The following UNC13C variants were observed in gnomAD, a reference collection of about 807,000 sequenced individuals.
UNC13C encodes the protein unc-13 homolog C.
Under a neutral mutation model 245.4 loss-of-function variants are expected in UNC13C, and 174 were observed. The observed-to-expected ratio is 0.71, with a 90% confidence interval of 0.63 to 0.80. UNC13C has a LOEUF of 0.80. UNC13C is among the 30% of genes least tolerant of loss of function. The pLI is 0.00. For missense variants in UNC13C, 2,829 were observed against 2,602.9 expected, an observed-to-expected ratio of 1.09 and a Z score of -1.89; for synonymous variants, 992 against 895.1, an observed-to-expected ratio of 1.11 and a Z score of -1.93.
chr15:54,590,060 TTA>T (rs1477005215), intron 30 of UNC13C, among the ~76,000 whole-genome samples: 4 of 152,138 alleles, frequency 2.6e-5, no homozygotes, highest in Non-Finnish European at 5.9e-5. Context: ...TTTTCCCACT[TTA>T]TGTTTTTGTT....
At chr15:54,194,357 G>A (rs905746662) in intron 4 of UNC13C, among the ~76,000 whole-genome samples, 4 of 152,066 alleles carry the variant, frequency 2.6e-5, no homozygotes, top group Non-Finnish European at 5.9e-5. Flanking sequence ...TTTCTTGTGT[G>A]TGGTAACAAT....
chr15:54,236,474 T>G, intron 6 of UNC13C, 39 bp downstream of exon 6: 1 of 1,564,214 alleles, frequency 6.4e-7, no homozygotes, highest in South Asian at 1.1e-5. Flanking sequence ...TATTTTGCAG[T>G]CTTCTCAAAC....
At position 54,626,750 on chromosome 15, in the gene UNC13C, C is replaced by T. The variant is rs1458233091; in HGVS notation, c.6360-78C>T. ...AATCAGATCCAATGTATACAGTTTT[C>T]AGCAGTATTTGAGAACCATAATGAT... is the stretch of plus-strand genomic sequence containing the variant. On this transcript the variant is annotated intron_variant, in intron 32 of 32. Transcript: ENST00000260323. The T allele has an allele frequency of 4.8e-6, 6 of 1,238,530 alleles. No homozygotes were observed. In the East Asian group the frequency reaches 1.2e-4, roughly 25 times the overall value. The allele number at this position is 1,238,530 out of a possible 1,614,324, so 76.7% of individuals were successfully genotyped here.
At chr15:53,941,696 G>A in the UNC13C span, among the ~76,000 whole-genome samples, 1 of 151,722 alleles carries the variant, frequency 6.6e-6, no homozygotes, top group African/African-American at 2.4e-5. Flanking sequence ...GGTCTACAGG[G>A]AACTTACACA....
At chr15:54,208,354 G>T in intron 4 of UNC13C, among the ~76,000 whole-genome samples, 1 of 152,040 alleles carries the variant, frequency 6.6e-6, no homozygotes, top group Non-Finnish European at 1.5e-5. Context: ...CCAAACCATA[G>T]CATGATTCAG....
At chr15:54,059,808 T>C (rs1897723021) in intron 2 of UNC13C, among the ~76,000 whole-genome samples, 1 of 152,090 alleles carries the variant, frequency 6.6e-6, no homozygotes, top group African/African-American at 2.4e-5. Context: ...TCAGAAATAA[T>C]GCCTCATATC....
chr15:54,466,195 G>T (rs987089047), intron 19 of UNC13C, among the ~76,000 whole-genome samples: 4 of 151,926 alleles, frequency 2.6e-5, no homozygotes, highest in African/African-American at 9.7e-5. Context: ...CAAAGGTGGG[G>T]AAAGAGAGGT....
rs539490793 is a variant in UNC13C at position 54,179,429 on chromosome 15, A to G, written c.3071+35745A>G. 3.9e-5 allele frequency among the ~76,000 whole-genome samples: 6 copies of G among 152,188 alleles called. No homozygotes were observed. In the South Asian group the frequency reaches 1.2e-3, roughly 32 times the overall value. On this transcript the variant is annotated intron_variant, in intron 4 of 32. Transcript: ENST00000260323. ...GTAGGAATACATGGAGAGTTTCACT[A>G]AAGAGTTGAAATACGTGAAACAGGT... is the stretch of plus-strand genomic sequence containing the variant.
chr15:54,210,623 T>C (rs2034850905), intron 4 of UNC13C, among the ~76,000 whole-genome samples: 1 of 152,146 alleles, frequency 6.6e-6, no homozygotes, highest in African/African-American at 2.4e-5. Context: ...AGAATAAACT[T>C]ATTTTATGTT....
intron 24 of UNC13C, among the ~76,000 whole-genome samples, chr15:54,514,651 G>C (rs1369002136): frequency 6.6e-6 from 1 of 152,206 alleles, no homozygotes; most frequent in Non-Finnish European, 1.5e-5. Context: ...GCGTGCTACT[G>C]CAGCTCCCTG....
the UNC13C span, among the ~76,000 whole-genome samples, chr15:53,882,540 A>G: frequency 6.6e-6 from 1 of 152,180 alleles, no homozygotes; most frequent in East Asian, 1.9e-4. Flanking sequence ...GATGACTTGT[A>G]TAGTCCTTTA....
chr15:53,846,672 A>G, the UNC13C span, among the ~76,000 whole-genome samples: 2 of 152,210 alleles, frequency 1.3e-5, no homozygotes, highest in African/African-American at 2.4e-5. Context: ...GGTAGTTTTA[A>G]TGAATGACAA....
intron 24 of UNC13C, among the ~76,000 whole-genome samples, chr15:54,512,800 T>C (rs954301801): frequency 6.6e-5 from 10 of 152,200 alleles, no homozygotes; most frequent in African/African-American, 2.4e-4. Flanking sequence ...TCTAAACTTA[T>C]GTGACTACAA....
chr15:54,477,945 CTT>C (rs1217357268), intron 19 of UNC13C, among the ~76,000 whole-genome samples: 1 of 145,952 alleles, frequency 6.9e-6, no homozygotes, highest in Non-Finnish European at 1.5e-5. Context: ...GTCCTGGACT[CTT>C]TTTGGTTGGT....
At chr15:54,199,418 A>C (rs1343873817) in intron 4 of UNC13C, among the ~76,000 whole-genome samples, 1 of 152,154 alleles carries the variant, frequency 6.6e-6, no homozygotes, top group East Asian at 1.9e-4. Flanking sequence ...AGACAAAGGA[A>C]AGAATCTTAA....
At chr15:54,619,987 T>A (rs1250449896) in intron 30 of UNC13C, among the ~76,000 whole-genome samples, 1 of 152,172 alleles carries the variant, frequency 6.6e-6, no homozygotes, top group Non-Finnish European at 1.5e-5. Flanking sequence ...ATCAATACTT[T>A]CTAGCCCATT....
chr15:54,305,504 A>G (rs1461920816), intron 13 of UNC13C, among the ~76,000 whole-genome samples: 1 of 148,868 alleles, frequency 6.7e-6, no homozygotes, highest in Non-Finnish European at 1.5e-5. Context: ...CACTAACTCA[A>G]CTGAAAAAAA....
intron 17 of UNC13C, among the ~76,000 whole-genome samples, chr15:54,392,055 G>A (rs2039969980): frequency 6.6e-6 from 1 of 152,036 alleles, no homozygotes; most frequent in Admixed American, 6.6e-5. Context: ...ATAAGTTGAT[G>A]TTTTCAAATA....
At chr15:54,043,646 A>G (rs1283946287) in intron 2 of UNC13C, among the ~76,000 whole-genome samples, 1 of 152,228 alleles carries the variant, frequency 6.6e-6, no homozygotes, top group African/African-American at 2.4e-5. Context: ...TACTCTTGCC[A>G]CAATTTCTAT....
Sources: allele counts gnomAD v4.1 joint callset (sites outside exome capture counted in the v4.1 genomes callset), GRCh38; gene constraint gnomAD v4.1.1; transcripts MANE v1.5; gene names NCBI Gene and HGNC (gene_info 2026-07-23, HGNC 2026-07-21).